The following SPTBN5 variants were observed in gnomAD, a reference collection of about 807,000 sequenced individuals.
SPTBN5 encodes spectrin beta chain, non-erythrocytic 5.
SPTBN5 carries 513 observed loss-of-function variants against 477.6 expected under a neutral mutation model. That is an observed-to-expected ratio of 1.07 (90% CI 1.00 to 1.16). The LOEUF is 1.16. Ranked by LOEUF, SPTBN5 falls within the 50% of genes most tolerant of loss-of-function variation. The pLI is 0.00. For synonymous variants in SPTBN5, 2,169 were observed against 2,011.7 expected (o/e 1.08, Z -2.09); for missense variants, 5,062 against 4,731.8 (o/e 1.07, Z -2.05).
chr15:41,875,013 C>T lies in SPTBN5; in HGVS notation c.4331G>A (p.Ser1444Asn), dbSNP rs1272949827. The T allele has an allele frequency of 6.2e-7, 1 of 1,613,516 alleles. No homozygotes were observed. Among genetic ancestry groups the T allele is most frequent in the Non-Finnish European group, 8.5e-7 (1 of 1,179,866 alleles). The change falls in exon 23 of 68, where the codon AGC becomes AAC. Residue 1444 changes from serine to asparagine, a missense_variant. By Grantham distance (46) the Ser-to-Asn change is conservative. Coordinates refer to ENST00000320955, the MANE Select transcript of SPTBN5 (RefSeq NM_016642.4). ...QLEQLEGALQ[S>N]SETGQDLRSS... ...GCGCAGGTCCTGCCCTGTTTCCGAG[C>T]TCTGTAGGGCCCCTTCGAGCTGCTC...
At chr15:41,881,296 G>T in intron 12 of SPTBN5, 62 bp from the exon 13 acceptor site, 1 of 1,417,020 alleles carries the variant, frequency 7.1e-7, no homozygotes, top group Non-Finnish European at 9.6e-7. Context: ...GCTTTGGCCA[G>T]GCCACCCCTA....
chr15:41,875,119 G>C, intron 22 of SPTBN5, 63 bp from the exon 23 acceptor site: 1 of 1,465,788 alleles, frequency 6.8e-7, no homozygotes, highest in Non-Finnish European at 9.3e-7. Flanking sequence ...TGGCCTTCCC[G>C]GGCTCTGGGA....
Position 41,882,643 on chromosome 15 carries a change from C to T in SPTBN5, c.1988G>A (p.Gly663Glu), listed in dbSNP as rs374812160. 4.4e-6 allele frequency: 7 copies of T among 1,607,700 alleles called. No homozygotes were observed. The highest frequency in any genetic ancestry group is 1.3e-5 in the African/African-American group (1 of 74,854). ...AWLKECGQRV[G>E]NAALGRDLSQ... ...GAGATCCCGGCCCAGGGCCGCATTCCCCACCCGCTGTCCGCACTCCTTCAG... is the reference window on the plus strand; with the variant it reads ...GAGATCCCGGCCCAGGGCCGCATTCTCCACCCGCTGTCCGCACTCCTTCAG... The change falls in exon 10 of 68, where the codon GGG (glycine) becomes GAG (glutamate). Residue 663 changes from glycine to glutamate, a missense_variant. Transcript: ENST00000320955.
chr15:41,882,971 TG>T (rs1364671382), intron 9 of SPTBN5, 24 bp downstream of exon 9: 5 of 1,522,576 alleles, frequency 3.3e-6, no homozygotes. Context: ...CTGGGAAAGG[TG>T]GAAGAGTTGG....
chr15:41,861,972 A>G, intron 44 of SPTBN5, 49 bp from the exon 45 acceptor site: 1 of 1,564,152 alleles, frequency 6.4e-7, no homozygotes, highest in South Asian at 1.2e-5. Flanking sequence ...GCAGCCCAGC[A>G]GGCAGGAGAG....
chr15:41,855,622 C>T lies in SPTBN5; in HGVS notation c.9145G>A (p.Glu3049Lys). 2 of 1,610,874 alleles carry T rather than the reference C, an allele frequency of 1.2e-6. No homozygotes were observed. Among genetic ancestry groups the T allele is most frequent in the Non-Finnish European group, 8.5e-7 (1 of 1,179,630 alleles). ...CGCTCGATGCGTGGGCTGAACGCTT[C>T]CAGGTCTCTCTTGGTGGCCTCCAGC... Reference protein sequence around the residue: ...RRLEATKRDLEAFSPRIERLQ... With the variant: ...RRLEATKRDLKAFSPRIERLQ... The change falls in exon 54 of 68, where the codon GAA becomes AAA. Residue 3049 changes from glutamate to lysine, a missense_variant. By Grantham distance (56) the Glu-to-Lys change is moderately conservative. Transcript: ENST00000320955.
intron 17 of SPTBN5, among the ~76,000 whole-genome samples, chr15:41,878,117 A>G (rs946046487): frequency 3.3e-5 from 5 of 152,150 alleles, no homozygotes; most frequent in African/African-American, 4.8e-5. Context: ...CAGGCAGCTC[A>G]GTGTCCTGGG....
chr15:41,892,071 C>A (rs2067331073), intron 3 of SPTBN5, among the ~76,000 whole-genome samples: 1 of 152,212 alleles, frequency 6.6e-6, no homozygotes, highest in Non-Finnish European at 1.5e-5. Flanking sequence ...CTGCTCAGGA[C>A]AGCAGTCACT....
intron 15 of SPTBN5, 102 bp from the exon 16 acceptor site, chr15:41,879,601 GT>G: frequency 6.5e-7 from 1 of 1,548,672 alleles, no homozygotes; most frequent in Non-Finnish European, 8.7e-7. Flanking sequence ...CAGACTGGCT[GT>G]CCCTTGCCCC....
intron 7 of SPTBN5, among the ~76,000 whole-genome samples, chr15:41,884,130 T>C (rs1256350246): frequency 6.6e-6 from 1 of 152,052 alleles, no homozygotes; most frequent in African/African-American, 2.4e-5. Context: ...GGACTACAGG[T>C]GCCCGCCACC....
chr15:41,879,319 G>T lies in SPTBN5; in HGVS notation c.3123C>A (p.Ala1041=). The part of the protein sequence containing the change: ...SEDTCHALQL[A]QKKTLVLERR... Reference sequence around the variant, plus strand: ...TCTCCAGCACCAGGGTCTTCTTCTGGGCCAGCTGCAGGGCGTGGCAGGTGT... The same window carrying T: ...TCTCCAGCACCAGGGTCTTCTTCTGTGCCAGCTGCAGGGCGTGGCAGGTGT... The change falls in exon 16 of 68, where the codon GCC becomes GCA. Residue 1041 remains alanine, a synonymous_variant. Transcript: ENST00000320955. 1 of 1,611,466 alleles carries T rather than the reference G, an allele frequency of 6.2e-7. No individual in the cohort carries two copies. Among genetic ancestry groups the T allele is most frequent in the South Asian group, 1.1e-5 (1 of 91,068 alleles).
In SPTBN5 at chr15:41,878,444, G is replaced by A. The variant is rs758796630; in HGVS notation, c.3368C>T (p.Ala1123Val). 1.2e-5 allele frequency: 19 copies of A among 1,613,582 alleles called. No homozygotes were observed. The South Asian group carries it at 1.3e-4, about 11-fold the overall frequency. Residue 1123 changes from alanine (A) to valine (V), a missense_variant, in exon 17 of 68, where the codon GCT becomes GTT. Ala to Val is a moderately conservative substitution (Grantham distance 64, BLOSUM62 0). Coordinates refer to ENST00000320955, the MANE Select transcript of SPTBN5 (RefSeq NM_016642.4). ...QLLLWAESVQ[A>V]QLRSKEVSVD... ...TGACACCTCCTTGCTGCGCAGCTGAGCCTGGACACTCTCTGCCCACAGTAG... is the reference window on the plus strand; with the variant it reads ...TGACACCTCCTTGCTGCGCAGCTGAACCTGGACACTCTCTGCCCACAGTAG...
At chr15:41,874,758 C>A in intron 23 of SPTBN5, 84 bp downstream of exon 23, 7 of 1,404,528 alleles carry the variant, frequency 5.0e-6, no homozygotes, top group Non-Finnish European at 5.8e-6. Flanking sequence ...GGTCTGGACA[C>A]CCCGGTCCTG....
intron 7 of SPTBN5, among the ~76,000 whole-genome samples, chr15:41,883,951 C>T (rs897919370): frequency 1.3e-5 from 2 of 151,946 alleles, no homozygotes; most frequent in African/African-American, 2.4e-5. Flanking sequence ...CCACCATGCC[C>T]GGCTAATTTT....
At chr15:41,878,318 C>G in intron 17 of SPTBN5, 24 bp downstream of exon 17, 1 of 1,607,250 alleles carries the variant, frequency 6.2e-7, no homozygotes. Flanking sequence ...CCAAAGTGCA[C>G]CCCTTCTGCC....
At position 41,881,156 on chromosome 15, in the gene SPTBN5, G is replaced by C. The variant is rs755008494; in HGVS notation, c.2536C>G (p.Pro846Ala). ...AGGGCCATCTTCCAGGCATCCCCAGGGCCAGGGTGGCAGGAAGCCTCACTC... is the reference window on the plus strand; with the variant it reads ...AGGGCCATCTTCCAGGCATCCCCAGCGCCAGGGTGGCAGGAAGCCTCACTC... ...PWSEASCHPG[P>A]GDAWKMALPA... Residue 846 changes from proline (P) to alanine (A), a missense_variant, in exon 13 of 68, where the codon CCT becomes GCT. Coordinates refer to ENST00000320955, the MANE Select transcript of SPTBN5 (RefSeq NM_016642.4). 5 of 1,613,438 alleles carry C rather than the reference G, an allele frequency of 3.1e-6. No individual in the cohort carries two copies. The South Asian group carries it at 5.5e-5, about 18-fold the overall frequency.
rs762501278 is a variant in SPTBN5 at position 41,857,498 on chromosome 15, G to A, written c.8365-4C>T. 3 of 1,604,856 alleles carry A rather than the reference G, an allele frequency of 1.9e-6. No individual in the cohort carries two copies. The highest frequency in any genetic ancestry group is 2.7e-5 in the African/African-American group (2 of 74,786). On this transcript the variant is annotated splice_region_variant and splice_polypyrimidine_tract_variant and intron_variant, in intron 50 of 67. Coordinates refer to ENST00000320955, the MANE Select transcript of SPTBN5 (RefSeq NM_016642.4). ...TGCTCCGCCGCAGACGCAGGGCCTA[G>A]GGTAGAAAGTGAGGTAGGCAGGAGG... is the stretch of plus-strand genomic sequence containing the variant.
At chr15:41,874,561 C>T in intron 23 of SPTBN5, 83 bp from the exon 24 acceptor site, 1 of 1,214,148 alleles carries the variant, frequency 8.2e-7, no homozygotes, top group East Asian at 2.5e-5. Flanking sequence ...CAAGCCAGGG[C>T]CCGTGAAGAA....
chr15:41,855,739 C>T lies in SPTBN5; in HGVS notation c.9028G>A (p.Glu3010Lys), dbSNP rs897759466. 1 of 1,580,294 alleles carries T rather than the reference C, an allele frequency of 6.3e-7. No individual in the cohort carries two copies. The highest frequency in any genetic ancestry group is 8.6e-7 in the Non-Finnish European group (1 of 1,163,856). ...CGCTCAGCCAGCCAGGATCCCGCCT[C>T]CAGGAGCTGGGGGTGACAGAGTGGA... ...EAQQFLTELL[E>K]AGSWLAERGH... is the part of the protein sequence containing the mutation. The change falls in exon 54 of 68, where the codon GAG becomes AAG. Residue 3010 changes from glutamate (E) to lysine (K), a missense_variant. Glu to Lys is a moderately conservative substitution (Grantham distance 56, BLOSUM62 1). Transcript: ENST00000320955.
Sources: allele counts gnomAD v4.1 joint callset (sites outside exome capture counted in the v4.1 genomes callset), GRCh38; gene constraint gnomAD v4.1.1; transcripts MANE v1.5; gene names NCBI Gene and HGNC (gene_info 2026-07-23, HGNC 2026-07-21).